The following TLCD3B variants were observed in gnomAD, a reference collection of about 807,000 sequenced individuals.
TLCD3B encodes the protein ceramide synthase.
TLCD3B carries 9 observed loss-of-function variants against 23.0 expected under a neutral mutation model. The ratio of observed to expected loss-of-function variants is 0.39; its 90% CI spans 0.24 to 0.68. The LOEUF (loss-of-function observed/expected upper bound fraction) is 0.68, where lower values mean the gene tolerates loss of function less well. Among genes scored for constraint, TLCD3B ranks in the 30% least tolerant of loss-of-function variants. The pLI is 0.44. For missense variants in TLCD3B, 307 were observed against 371.8 expected (o/e 0.83, Z 1.43); for synonymous variants, 161 against 161.0 (o/e 1.00, Z 0.00).
chr16:30,043,937 C>T (rs2071616218), intron 2 of TLCD3B, among the ~76,000 whole-genome samples: 1 of 151,914 alleles, frequency 6.6e-6, no homozygotes, highest in Non-Finnish European at 1.5e-5. Flanking sequence ...ACGCCCGATC[C>T]TCCTGCCTCG....
At chr16:30,030,304 G>A in intron 1 of TLCD3B, 99 bp downstream of exon 1, 2 of 1,287,782 alleles carry the variant, frequency 1.6e-6, no homozygotes, top group Non-Finnish European at 2.2e-6. Context: ...GGAGCTCCCA[G>A]TCCCCCACCG....
chr16:30,036,792 A>T (rs146051467), intron 3 of TLCD3B, among the ~76,000 whole-genome samples: 27 of 152,296 alleles, frequency 1.8e-4, no homozygotes, highest in Non-Finnish European at 2.9e-4. Context: ...GGGAAATAAG[A>T]GCAGGTGCAG....
At chr16:30,037,557 A>G (rs182102636) in intron 3 of TLCD3B, among the ~76,000 whole-genome samples, 1,584 of 151,234 alleles carry the variant, frequency 0.01, 11 homozygotes, top group African/African-American at 0.032. Context: ...AAAAAAAAAA[A>G]AAGAAGAAGA....
rs1412925210 is a variant in TLCD3B at position 30,041,974 on chromosome 16, T to G, written c.-228-818A>C. 2.0e-5 allele frequency among the ~76,000 whole-genome samples: 3 copies of G among 152,314 alleles called. No individual in the cohort carries two copies. In the East Asian group the frequency reaches 5.8e-4, roughly 29 times the overall value. ...TAAACAAGCCAAGCGGGAAAAATCT[T>G]GGTTTGGAGAGCAGTGTTTCTCAAT... On this transcript the variant is annotated intron_variant, in intron 2 of 6. Transcript: ENST00000561666.
At chr16:30,038,315 G>C (rs918492966) in intron 3 of TLCD3B, among the ~76,000 whole-genome samples, 2 of 152,060 alleles carry the variant, frequency 1.3e-5, no homozygotes, top group Non-Finnish European at 2.9e-5. Context: ...GGCCAAGTGT[G>C]GTGGTGCACA....
At position 30,040,147 on chromosome 16, in the gene TLCD3B, A is replaced by AAAAAATATAT; in HGVS notation, c.-67+847_-67+848insATATATTTTT. ...AGACTTTGTCTCAAAAAAAAAAAAA[A>AAAAAATATAT]ATATATATATATATATATATATATG... On this transcript the variant is annotated intron_variant, in intron 3 of 6. Coordinates refer to the TLCD3B transcript ENST00000561666. Among the ~76,000 whole-genome samples the AAAAAATATAT allele has an allele frequency of 5.7e-3, 542 of 95,864 alleles. 3 individuals are homozygous for AAAAAATATAT. Among genetic ancestry groups the AAAAAATATAT allele is most frequent in the South Asian group, 0.013 (38 of 2,856 alleles). 62.9% of individuals were successfully genotyped at this position (95,864 alleles called of 152,430 possible).
rs2071069169 is a variant in TLCD3B at position 30,025,335 on chromosome 16, C to A, written c.673G>T (p.Ala225Ser). Reference protein sequence around the residue: ...YGRHAGLPLLAVPLAIPAHVN... With the variant: ...YGRHAGLPLLSVPLAIPAHVN... The stretch of plus-strand genomic sequence containing the variant: ...TGGGCAGGGATGGCCAGGGGCACGG[C>A]CAGCAGGGGCAGGCCGGCATGGCGC... The change falls in exon 5 of 5, where the codon GCC (alanine) becomes TCC (serine). Residue 225 changes from alanine (A) to serine (S), a missense_variant. Physicochemically the swap from Ala to Ser is moderately conservative, Grantham distance 99. Coordinates refer to ENST00000380495, the MANE Select transcript of TLCD3B (RefSeq NM_031478.6). The surrounding 1 kb of genome is among the most constrained non-coding windows in gnomAD (Gnocchi z 4.1). 1.9e-6 allele frequency: 3 copies of A among 1,581,070 alleles called. No homozygotes were observed. Among genetic ancestry groups the A allele is most frequent in the Non-Finnish European group, 2.6e-6 (3 of 1,162,716 alleles).
upstream of TLCD3B, chr16:30,036,154 C>A (rs1250562328): frequency 1.1e-5 from 14 of 1,287,132 alleles, no homozygotes; most frequent in Admixed American, 9.3e-5. Flanking sequence ...CCAGTCCTCA[C>A]CTCAGAGGGA....
chr16:30,050,968 CTGTG>C, intron 1 of TLCD3B, among the ~76,000 whole-genome samples: 1 of 151,998 alleles, frequency 6.6e-6, no homozygotes, highest in East Asian at 1.9e-4. Flanking sequence ...GTGCAAGTGT[CTGTG>C]TGTGTGTGAT....
At position 30,042,708 on chromosome 16, in the gene TLCD3B, T is replaced by C. The variant is rs560186906; in HGVS notation, c.-228-1552A>G. 9.9e-5 allele frequency among the ~76,000 whole-genome samples: 15 copies of C among 152,174 alleles called. No homozygotes were observed. In the South Asian group the frequency reaches 3.1e-3, roughly 32 times the overall value. On this transcript the variant is annotated intron_variant, in intron 2 of 6. Transcript: ENST00000561666. Reference sequence around the variant, plus strand: ...CTCAGCCTCTAGCTTCTCCAAACCTTTGTTTCCCCACAAAAAAAAACCTCA... The same window carrying C: ...CTCAGCCTCTAGCTTCTCCAAACCTCTGTTTCCCCACAAAAAAAAACCTCA...
rs754923585 is a variant in TLCD3B, at chr16:30,030,447, G to A, written c.81C>T (p.Pro27=). Residue 27 remains proline (P), a synonymous_variant, in exon 1 of 5, where the codon CCC becomes CCT. Coordinates refer to ENST00000380495, the MANE Select transcript of TLCD3B (RefSeq NM_031478.6). The part of the protein sequence containing the change: ...LLSKNTLQRL[P]QLRWEEADAV... ...CGTCGGCCTCCTCCCAGCGTAGCTG[G>A]GGCAGCCGCTGGAGCGTGTTCTTGG... The A allele has an allele frequency of 5.6e-6, 9 of 1,604,960 alleles. No homozygotes were observed. Among genetic ancestry groups the A allele is most frequent in the Non-Finnish European group, 7.6e-6 (9 of 1,176,870 alleles).
chr16:30,043,791 C>T (rs979115938), intron 2 of TLCD3B, among the ~76,000 whole-genome samples: 6 of 152,006 alleles, frequency 3.9e-5, no homozygotes, highest in African/African-American at 1.4e-4. Context: ...TCAAGTGATC[C>T]TCCTGCCTCA....
At chr16:30,033,226 GCGACAGAGCGAGACTCCAT>G (rs2071402623), upstream of TLCD3B, 1 of 152,392 alleles carries the variant, frequency 6.6e-6, no homozygotes, top group Non-Finnish European at 1.5e-5. Flanking sequence ...TCCAGCCTGG[GCGACAGAGCGAGACTCCAT>G]CTTAAAAGAA....
In TLCD3B at chr16:30,025,576, C is replaced by A. The variant is rs766451826; in HGVS notation, c.541-109G>T. The stretch of plus-strand genomic sequence containing the variant: ...CAGGCAGCTCCTCCCAAACCAGACA[C>A]TTTGCCAGGACACAAGCACCAGGTG... On this transcript the variant is annotated intron_variant, in intron 4 of 4. Coordinates refer to ENST00000380495, the MANE Select transcript of TLCD3B (RefSeq NM_031478.6). This position sits in a 1 kb window ranked among gnomAD's most constrained non-coding sequence, Gnocchi z 4.1. 7.2e-6 allele frequency: 11 copies of A among 1,526,156 alleles called. No individual in the cohort carries two copies. The highest frequency in any genetic ancestry group is 1.0e-5 in the Non-Finnish European group (11 of 1,104,712). The allele number at this position is 1,526,156 out of a possible 1,614,324, so 94.5% of individuals were successfully genotyped here.
upstream of TLCD3B, chr16:30,035,574 C>G (rs374893461): frequency 8.3e-7 from 1 of 1,201,104 alleles, no homozygotes. Flanking sequence ...CCCAATGAGG[C>G]AAGCCCCAAG....
intron 1 of TLCD3B, among the ~76,000 whole-genome samples, chr16:30,047,616 C>T (rs1232835416): frequency 6.6e-6 from 1 of 151,884 alleles, no homozygotes; most frequent in Non-Finnish European, 1.5e-5. Context: ...GCCACCACAC[C>T]CAGCCTAATT....
upstream of TLCD3B, among the ~76,000 whole-genome samples, chr16:30,032,265 C>T (rs1236450612): frequency 1.3e-5 from 2 of 152,170 alleles, no homozygotes; most frequent in Non-Finnish European, 2.9e-5. Flanking sequence ...GTCCTGTGGA[C>T]TTCAGCATGA....
At chr16:30,030,147 G>T in intron 1 of TLCD3B, 1 of 1,486,000 alleles carries the variant, frequency 6.7e-7, no homozygotes, top group Non-Finnish European at 9.1e-7. Context: ...CTGTTTTGGA[G>T]GGTGGGAGGG....
chr16:30,034,410 CAAAAAAAA>C (rs34825633), upstream of TLCD3B, among the ~76,000 whole-genome samples: 2 of 116,052 alleles, frequency 1.7e-5, no homozygotes, highest in African/African-American at 3.3e-5. Context: ...CTGTCTCTAC[CAAAAAAAA>C]AAAAAAAAAA....
Sources: allele counts gnomAD v4.1 joint callset (sites outside exome capture counted in the v4.1 genomes callset), GRCh38; gene constraint gnomAD v4.1.1; non-coding constraint Gnocchi (gnomAD v3.1); transcripts MANE v1.5; gene names NCBI Gene and HGNC (gene_info 2026-07-23, HGNC 2026-07-21).